Variants in MGAM observed in about 807,000 individuals in gnomAD.
MGAM encodes maltase-glucoamylase.
MGAM carries 253 observed loss-of-function variants against 358.8 expected under a neutral mutation model. That is an observed-to-expected ratio of 0.71 (90% confidence interval 0.64 to 0.78). The LOEUF is 0.78. Ranked by LOEUF, MGAM falls within the 30% of genes least tolerant of loss-of-function variation. The probability of loss-of-function intolerance (pLI) is 0.00; values close to 1 mark genes in which losing one functional copy is unlikely to be tolerated. For synonymous variants in MGAM, 1,105 were observed against 1,227.1 expected (o/e 0.90, Z 2.08); for missense variants, 3,080 against 3,432.6 (o/e 0.90, Z 2.57).
In MGAM at chr7:142,071,018, G is replaced by A; in HGVS notation, c.5086G>A (p.Glu1696Lys). The A allele has an allele frequency of 6.4e-7, 1 of 1,556,234 alleles. No homozygotes were observed. The highest frequency in any genetic ancestry group is 8.8e-7 in the Non-Finnish European group (1 of 1,132,490). Residue 1696 changes from glutamate (E) to lysine (K), a missense_variant, in exon 44 of 71, where the codon GAG becomes AAG. Physicochemically the swap from Glu to Lys is moderately conservative, Grantham distance 56. Transcript: ENST00000475668. ...YTGVDINARG[E>K]WKTLPAPLDH... is the part of the protein sequence containing the mutation. ...GGGTGTGGATATTAATGCAAGAGGA[G>A]AGTGGAAGACCTTGCCAGCCCCTCT...
intron 2 of MGAM, among the ~76,000 whole-genome samples, chr7:141,987,132 ATAGTGGTGGTGCTGG>A (rs782176794): frequency 6.6e-4 from 100 of 152,322 alleles, no homozygotes; most frequent in Non-Finnish European, 1.0e-3. Context: ...GGAAGTTAGG[ATAGTGGTGGTGCTGG>A]TAGTGGTGGT....
At chr7:142,055,008 TC>T in intron 27 of MGAM, 100 bp downstream of exon 27, 1 of 1,259,194 alleles carries the variant, frequency 7.9e-7, no homozygotes, top group Non-Finnish European at 1.1e-6. Context: ...CATCACATTG[TC>T]CACTTCCAGA....
At chr7:142,062,976 A>T (rs1812367166) in intron 35 of MGAM, among the ~76,000 whole-genome samples, 1 of 152,144 alleles carries the variant, frequency 6.6e-6, no homozygotes, top group South Asian at 2.1e-4. Context: ...AGGTGGGCAG[A>T]TCACCTGAGG....
Position 142,084,686 on chromosome 7 carries a change from A to T in MGAM, c.6507+42A>T. ...GGCTCTGGAGTTTGAAAACTAACCC[A>T]GGTGCCTCTGTGTCTGGCTTCATTT... On this transcript the variant is annotated intron_variant, in intron 54 of 70. Transcript: ENST00000475668. The T allele has an allele frequency of 1.3e-6, 2 of 1,539,260 alleles. 1 individual carries two copies. Among genetic ancestry groups the T allele is most frequent in the Non-Finnish European group, 1.8e-6 (2 of 1,123,126 alleles).
chr7:142,095,656 C>T lies in MGAM; in HGVS notation c.7550C>T (p.Thr2517Ile). 10 of 1,613,970 alleles carry T rather than the reference C, an allele frequency of 6.2e-6. No individual in the cohort carries two copies. Among genetic ancestry groups the T allele is most frequent in the Non-Finnish European group, 8.5e-6 (10 of 1,179,866 alleles). The change falls in exon 64 of 71, where the codon ACC becomes ATC. Residue 2517 changes from threonine to isoleucine, a missense_variant. Thr to Ile is a moderately conservative substitution (Grantham distance 89, BLOSUM62 -1). Coordinates refer to ENST00000475668, the MANE Select transcript of MGAM (RefSeq NM_001365693.1). The part of the protein sequence containing the change: ...TRYTLLPYLY[T>I]LMHKAHTEGV... ...TACACCCTGTTGCCATATCTGTATA[C>T]CTTGATGCATAAGGCCCACACGGAG...
chr7:142,101,757 A>C (rs190552756), intron 68 of MGAM, among the ~76,000 whole-genome samples: 7 of 151,966 alleles, frequency 4.6e-5, no homozygotes, highest in African/African-American at 1.4e-4. Flanking sequence ...AATACAAAAA[A>C]ATTAGCTGGG....
At chr7:142,009,795 C>G (rs1805464744) in intron 3 of MGAM, among the ~76,000 whole-genome samples, 2 of 151,632 alleles carry the variant, frequency 1.3e-5, no homozygotes, top group African/African-American at 4.9e-5. Context: ...CATCTTAGAA[C>G]TTTTGTTGTA....
In MGAM at chr7:142,059,504, G is replaced by A. The variant is rs1175443981; in HGVS notation, c.3852G>A (p.Glu1284=). ...DVQYSDIDYM[E]RQLDFTLSPK... ...AGTACTCAGACATCGACTACATGGA[G>A]CGGCAGCTGGACTTCACCCTCAGCC... The change falls in exon 32 of 71, where the codon GAG becomes GAA. Residue 1284 remains glutamate, a synonymous_variant. Transcript: ENST00000475668. 1.9e-6 allele frequency: 3 copies of A among 1,612,258 alleles called. No individual in the cohort carries two copies. Among genetic ancestry groups the A allele is most frequent in the South Asian group, 2.2e-5 (2 of 91,004 alleles).
chr7:142,034,677 A>G lies in MGAM; in HGVS notation c.1795A>G (p.Lys599Glu), dbSNP rs782330752. The change falls in exon 16 of 71, where the codon AAG becomes GAG. Residue 599 changes from lysine to glutamate, a missense_variant. Around this residue, in one of 5 missense-constraint regions of MGAM, gnomAD observed 1,816 missense variants for 1,840.5 expected, o/e 0.99. Transcript: ENST00000475668. ...AATCTCTCTCCCTTGCAGAGCTGCC[A>G]AGACTGTGTTCCCTAATAAGAGAAG... ...SMAVATAEAA[K>E]TVFPNKRSFI... The G allele has an allele frequency of 1.9e-6, 3 of 1,613,302 alleles. No homozygotes were observed. The South Asian group carries it at 3.3e-5, about 18-fold the overall frequency.
intron 70 of MGAM, 37 bp from the exon 71 acceptor site, chr7:142,105,777 A>T (rs557341856): frequency 6.5e-7 from 1 of 1,532,146 alleles, no homozygotes; most frequent in Middle Eastern, 1.7e-4. Context: ...AAATTTCAAC[A>T]CCGGATGCCC....
chr7:142,082,666 A>G (rs2129053467), intron 52 of MGAM, 95 bp downstream of exon 52: 2 of 1,050,048 alleles, frequency 1.9e-6, no homozygotes, highest in Non-Finnish European at 2.8e-6. Flanking sequence ...CTTGAAGTCA[A>G]AATCTTCATT....
chr7:142,062,767 T>C, intron 35 of MGAM, 65 bp downstream of exon 35: 2 of 1,595,430 alleles, frequency 1.3e-6, no homozygotes, highest in Non-Finnish European at 1.7e-6. Flanking sequence ...TAAGTATATG[T>C]ACCACTGACC....
intron 4 of MGAM, 69 bp downstream of exon 4, chr7:142,019,388 G>A (rs1806238276): frequency 6.5e-7 from 1 of 1,546,012 alleles, no homozygotes; most frequent in Non-Finnish European, 8.8e-7. Flanking sequence ...TCCCCCAGGG[G>A]CAGCCTGCAG....
At chr7:142,024,270 A>G (rs1333821744) in intron 7 of MGAM, among the ~76,000 whole-genome samples, 2 of 151,712 alleles carry the variant, frequency 1.3e-5, no homozygotes, top group Non-Finnish European at 2.9e-5. Flanking sequence ...AAAATTAGCC[A>G]GGCGGTAGTG....
intron 1 of MGAM, among the ~76,000 whole-genome samples, chr7:142,002,282 C>T (rs1452778275): frequency 3.9e-5 from 6 of 152,104 alleles, no homozygotes; most frequent in Non-Finnish European, 8.8e-5. Context: ...AATAAAACTA[C>T]AGACCAATAT....
chr7:142,004,814 C>T (rs1444022541), intron 1 of MGAM, among the ~76,000 whole-genome samples: 1 of 151,790 alleles, frequency 6.6e-6, no homozygotes, highest in Non-Finnish European at 1.5e-5. Flanking sequence ...GTAAATTTTC[C>T]AAGGTAGTCT....
intron 28 of MGAM, 111 bp downstream of exon 28, chr7:142,055,837 G>A: frequency 1.3e-6 from 2 of 1,530,214 alleles, no homozygotes; most frequent in Non-Finnish European, 1.8e-6. Flanking sequence ...CTGCTTTTAG[G>A]CAAGTGGGCC....
At position 142,066,771 on chromosome 7, in the gene MGAM, C is replaced by T. The variant is rs756076693; in HGVS notation, c.4919+50C>T. Reference sequence around the variant, plus strand: ...TGACTAATGGATGACTTATTGCATTCTATGTGGTAGCAGTTGATATACACA... The same window carrying T: ...TGACTAATGGATGACTTATTGCATTTTATGTGGTAGCAGTTGATATACACA... On this transcript the variant is annotated intron_variant, in intron 41 of 70. Transcript: ENST00000475668. 14 of 1,520,514 alleles carry T rather than the reference C, an allele frequency of 9.2e-6. No individual in the cohort carries two copies. In the African/African-American group the frequency reaches 1.8e-4, roughly 19 times the overall value. 94.2% of individuals were successfully genotyped at this position (1,520,514 alleles called of 1,614,324 possible).
chr7:142,080,721 A>C, intron 49 of MGAM, 70 bp from the exon 50 acceptor site: 1 of 1,343,392 alleles, frequency 7.4e-7, no homozygotes, highest in Admixed American at 2.4e-5. Context: ...CCAAAAATCA[A>C]AAAGGTTCTG....
Sources: gnomAD v4.1 joint callset for allele counts (sites outside exome capture counted in the v4.1 genomes callset) on GRCh38, gnomAD v4.1.1 for gene constraint, gnomAD v4.1.1 regional missense constraint, MANE v1.5 for transcripts, NCBI Gene and HGNC (gene_info 2026-07-23, HGNC 2026-07-21) for gene names.